Variants in NXPE4 observed in about 807,000 individuals in gnomAD.
NXPE4 encodes neurexophilin and PC-esterase domain family member 4, also known as NXPE family member 4.
In NXPE4, 42 loss-of-function variants were observed where a neutral mutation model predicts 33.3. That is an observed-to-expected ratio of 1.26 (90% CI 0.98 to 1.63). The LOEUF (loss-of-function observed/expected upper bound fraction) is 1.63. Among genes scored for constraint, NXPE4 ranks in the 40% most tolerant of loss-of-function variants. NXPE4 has a pLI of 0.00. For missense variants in NXPE4, 709 were observed against 647.6 expected (o/e 1.09, Z -1.03); for synonymous variants, 253 against 234.9 (o/e 1.08, Z -0.71).
the NXPE4 span, among the ~76,000 whole-genome samples, chr11:114,607,278 G>A: frequency 6.6e-6 from 1 of 151,794 alleles, no homozygotes; most frequent in African/African-American, 2.4e-5. Flanking sequence ...GGTAACCACT[G>A]TTGCCTGGTG....
upstream of NXPE4, among the ~76,000 whole-genome samples, chr11:114,598,110 A>C (rs2135314332): frequency 6.6e-6 from 1 of 152,314 alleles, no homozygotes; most frequent in South Asian, 2.1e-4. Context: ...TACATTCTAA[A>C]AGGGAAAAAT....
the NXPE4 span, among the ~76,000 whole-genome samples, chr11:114,650,521 C>A: frequency 6.6e-6 from 1 of 152,102 alleles, no homozygotes; most frequent in African/African-American, 2.4e-5. Context: ...TAAGCAACAG[C>A]CTTACATCAA....
At chr11:114,662,350 G>C in the NXPE4 span, among the ~76,000 whole-genome samples, 4 of 152,132 alleles carry the variant, frequency 2.6e-5, no homozygotes, top group African/African-American at 9.7e-5. Context: ...ATTTAAACCA[G>C]CCCTAGCCAG....
At chr11:114,615,977 T>C in the NXPE4 span, among the ~76,000 whole-genome samples, 5 of 148,846 alleles carry the variant, frequency 3.4e-5, no homozygotes, top group Non-Finnish European at 5.9e-5. Context: ...ATAAGTATTC[T>C]CTCGTGGAAA....
At chr11:114,571,818 G>A (rs562204318) in intron 5 of NXPE4, among the ~76,000 whole-genome samples, 1 of 152,284 alleles carries the variant, frequency 6.6e-6, no homozygotes, top group South Asian at 2.1e-4. Flanking sequence ...TGAAGGAACA[G>A]GATCACCACT....
chr11:114,663,167 T>C, the NXPE4 span, among the ~76,000 whole-genome samples: 2 of 152,114 alleles, frequency 1.3e-5, no homozygotes, highest in Non-Finnish European at 2.9e-5. Flanking sequence ...CTGGCAGTAC[T>C]CCCTGTGGGC....
the NXPE4 span, among the ~76,000 whole-genome samples, chr11:114,624,294 C>G: frequency 6.6e-6 from 1 of 151,990 alleles, no homozygotes; most frequent in Non-Finnish European, 1.5e-5. Context: ...ACCACTGTTA[C>G]CCGGTGGATA....
the NXPE4 span, among the ~76,000 whole-genome samples, chr11:114,625,189 G>C: frequency 0.092 from 13,977 of 152,170 alleles, 762 homozygotes; most frequent in Middle Eastern, 0.2. Context: ...TGGATAATAC[G>C]TGTGGCCTTG....
At chr11:114,616,092 A>G in the NXPE4 span, among the ~76,000 whole-genome samples, 1 of 151,644 alleles carries the variant, frequency 6.6e-6, no homozygotes, top group African/African-American at 2.4e-5. Context: ...CCTGCTGCAT[A>G]ATAAGTAATG....
At chr11:114,626,299 G>A in the NXPE4 span, among the ~76,000 whole-genome samples, 1 of 152,208 alleles carries the variant, frequency 6.6e-6, no homozygotes, top group African/African-American at 2.4e-5. Flanking sequence ...GAAGAGAGCA[G>A]TGGTTCTCCT....
the NXPE4 span, among the ~76,000 whole-genome samples, chr11:114,642,931 T>C: frequency 6.6e-5 from 10 of 152,094 alleles, no homozygotes; most frequent in African/African-American, 2.4e-4. Context: ...ATCGGATGTT[T>C]CCTGACATTT....
chr11:114,589,749 G>A (rs1028195651), intron 2 of NXPE4, among the ~76,000 whole-genome samples: 2 of 152,090 alleles, frequency 1.3e-5, no homozygotes, highest in African/African-American at 2.4e-5. Context: ...ATCCCCTAAA[G>A]CCAGAGGGTA....
chr11:114,573,493 A>C (rs2135180488), intron 5 of NXPE4, among the ~76,000 whole-genome samples: 1 of 152,146 alleles, frequency 6.6e-6, no homozygotes, highest in South Asian at 2.1e-4. Context: ...ATAAGAACTC[A>C]CATAAACTTA....
At chr11:114,625,424 T>C in the NXPE4 span, among the ~76,000 whole-genome samples, 1 of 152,148 alleles carries the variant, frequency 6.6e-6, no homozygotes, top group Non-Finnish European at 1.5e-5. Flanking sequence ...CAACCACTTC[T>C]ACCACATGGA....
At chr11:114,611,666 C>T in the NXPE4 span, among the ~76,000 whole-genome samples, 3 of 134,434 alleles carry the variant, frequency 2.2e-5, no homozygotes, top group South Asian at 2.4e-4. Context: ...GTGGATAATA[C>T]GTGTTGCCTC....
At chr11:114,644,244 A>C in the NXPE4 span, among the ~76,000 whole-genome samples, 7 of 152,056 alleles carry the variant, frequency 4.6e-5, no homozygotes, top group African/African-American at 1.7e-4. Flanking sequence ...GAATACCTTT[A>C]TTTCTTTCTC....
the NXPE4 span, among the ~76,000 whole-genome samples, chr11:114,653,615 A>C: frequency 2.7e-5 from 4 of 146,284 alleles, no homozygotes; most frequent in African/African-American, 1.0e-4. Flanking sequence ...GCAAGCTTCA[A>C]CTTCTGGGTT....
At chr11:114,625,725 G>A in the NXPE4 span, among the ~76,000 whole-genome samples, 6 of 152,148 alleles carry the variant, frequency 3.9e-5, no homozygotes, top group African/African-American at 9.7e-5. Context: ...CATGAGCGAC[G>A]CAGAAGGCAG....
At chr11:114,584,089 AG>A in intron 2 of NXPE4, 1 of 297,068 alleles carries the variant, frequency 3.4e-6, no homozygotes, top group Non-Finnish European at 6.6e-6. Flanking sequence ...TGATCATCAA[AG>A]GGCATGCCAA....
Sources: allele counts gnomAD v4.1 joint callset (sites outside exome capture counted in the v4.1 genomes callset), GRCh38; gene constraint gnomAD v4.1.1; transcripts MANE v1.5; gene names NCBI Gene and HGNC (gene_info 2026-07-23, HGNC 2026-07-21).